Variants in PRDM11 observed in about 807,000 individuals in gnomAD.
PRDM11 encodes the protein PR domain-containing protein 11.
In PRDM11, 20 loss-of-function variants were observed where a neutral mutation model predicts 97.8. That is an observed-to-expected ratio of 0.20 (90% CI 0.14 to 0.30). The LOEUF (loss-of-function observed/expected upper bound fraction) is 0.30, where lower values mean the gene tolerates loss of function less well. Ranked by LOEUF, PRDM11 falls within the 10% of genes least tolerant of loss-of-function variation. The probability of loss-of-function intolerance (pLI) is 1.00; values close to 1 mark genes in which losing one functional copy is unlikely to be tolerated. For missense variants in PRDM11, 1,139 were observed against 1,555.2 expected (o/e 0.73, Z 4.50); for synonymous variants, 599 against 637.7 (o/e 0.94, Z 0.91).
chr11:45,110,980 G>T (rs1852166215), intron 1 of PRDM11, among the ~76,000 whole-genome samples: 1 of 151,118 alleles, frequency 6.6e-6, no homozygotes, highest in South Asian at 2.1e-4. Flanking sequence ...TTTAATAAAA[G>T]CTTTACAGTT....
intron 1 of PRDM11, among the ~76,000 whole-genome samples, chr11:45,136,989 C>CAAAAAAAAAAAAA (rs759854361): frequency 9.1e-6 from 1 of 110,066 alleles, no homozygotes; most frequent in African/African-American, 3.0e-5. Context: ...ACTAAAAATA[C>CAAAAAAAAAAAAA]AAAAAAAAAA....
intron 4 of PRDM11, among the ~76,000 whole-genome samples, chr11:45,183,394 ATG>A (rs1307159579): frequency 1.3e-5 from 2 of 152,060 alleles, no homozygotes; most frequent in African/African-American, 4.8e-5. Flanking sequence ...ATGAATCCTC[ATG>A]TGTGTGTCTG....
chr11:45,122,133 G>C (rs773901985), intron 1 of PRDM11, among the ~76,000 whole-genome samples: 1 of 150,450 alleles, frequency 6.6e-6, no homozygotes, highest in Non-Finnish European at 1.5e-5. Context: ...TAAAAGTTAG[G>C]CCTTTAAATA....
At chr11:45,116,375 A>G (rs11038304) in intron 1 of PRDM11, among the ~76,000 whole-genome samples, 66,033 of 152,092 alleles carry the variant, frequency 0.43, 17,287 homozygotes, top group Non-Finnish European at 0.58. Context: ...ATTCACCAAG[A>G]CATACCACAT....
intron 5 of PRDM11, among the ~76,000 whole-genome samples, chr11:45,216,678 C>T (rs1853965573): frequency 6.6e-6 from 1 of 152,160 alleles, no homozygotes; most frequent in South Asian, 2.1e-4. Context: ...AGTTTCAGAA[C>T]AACAAATACA....
intron 1 of PRDM11, among the ~76,000 whole-genome samples, chr11:45,132,252 A>G (rs1203604019): frequency 1.3e-5 from 2 of 152,150 alleles, no homozygotes; most frequent in Admixed American, 6.5e-5. Context: ...CACTTCTACA[A>G]AACAAGAGCT....
intron 1 of PRDM11, among the ~76,000 whole-genome samples, chr11:45,163,053 A>G (rs1851968691): frequency 6.6e-6 from 1 of 152,134 alleles, no homozygotes; most frequent in Admixed American, 6.5e-5. Flanking sequence ...GATGCTCTCA[A>G]CTGTGTCCCA....
chr11:45,219,429 C>A lies in PRDM11; in HGVS notation c.555-141C>A, dbSNP rs1854048461. The A allele has an allele frequency of 2.6e-6, 2 of 778,314 alleles. No homozygotes were observed. The highest frequency in any genetic ancestry group is 1.7e-5 in the African/African-American group (1 of 57,300). The allele number at this position is 778,314 out of a possible 1,614,324, so 48.2% of individuals were successfully genotyped here. On this transcript the variant is annotated intron_variant, in intron 5 of 7. Transcript: ENST00000683152. This position sits in a 1 kb window ranked among gnomAD's most constrained non-coding sequence, Gnocchi z 4.2. The stretch of plus-strand genomic sequence containing the variant: ...GCTGGTGCTGCTTCTCCGGACAGGG[C>A]AGCTGCTCTGCTGATGTTCACATGG...
intron 1 of PRDM11, among the ~76,000 whole-genome samples, chr11:45,158,236 G>A (rs1851847813): frequency 6.6e-6 from 1 of 152,200 alleles, no homozygotes; most frequent in African/African-American, 2.4e-5. Context: ...AACAGACCAA[G>A]GTGTGCCTGG....
rs1471288226 is a variant in PRDM11 at position 45,227,097 on chromosome 11, A to G, written c.2472A>G (p.Ala824=). Residue 824 remains alanine (A), a synonymous_variant, in exon 8 of 8, where the codon GCA becomes GCG. Transcript: ENST00000683152. The surrounding 1 kb of genome is among the most constrained non-coding windows in gnomAD (Gnocchi z 8.0). Reference sequence around the variant, plus strand: ...CAGAGTTCCTGGGCGATATCCGGGCAGTGCGGTGGATCATCGGCGAGCAGA... The same window carrying G: ...CAGAGTTCCTGGGCGATATCCGGGCGGTGCGGTGGATCATCGGCGAGCAGA... ...EETEFLGDIR[A]VRWIIGEQNV... 1.4e-5 allele frequency: 22 copies of G among 1,533,844 alleles called. No individual in the cohort carries two copies. Among genetic ancestry groups the G allele is most frequent in the Non-Finnish European group, 1.9e-5 (22 of 1,146,736 alleles).
Position 45,217,248 on chromosome 11 carries a change from G to A in PRDM11, c.555-2322G>A, listed in dbSNP as rs192327043. 1.3e-3 allele frequency among the ~76,000 whole-genome samples: 204 copies of A among 152,216 alleles called. 1 individual carries two copies. The highest frequency in any genetic ancestry group is 3.2e-3 in the Admixed American group (49 of 15,286). ...ACTCACAGTTGTAGAATTGAGATTGGGAATTATTAATTTGGAGTGACTTCT... is the reference window on the plus strand; with the variant it reads ...ACTCACAGTTGTAGAATTGAGATTGAGAATTATTAATTTGGAGTGACTTCT... On this transcript the variant is annotated intron_variant, in intron 5 of 7. Coordinates refer to ENST00000683152, the MANE Select transcript of PRDM11 (RefSeq NM_001384648.1).
intron 5 of PRDM11, chr11:45,213,160 C>T (rs745515866): frequency 1.1e-5 from 5 of 456,708 alleles, no homozygotes; most frequent in South Asian, 4.6e-5. Context: ...ACACTGGGGG[C>T]GCTGTTACCT....
At chr11:45,171,955 C>T (rs1455841303) in intron 1 of PRDM11, among the ~76,000 whole-genome samples, 1 of 152,170 alleles carries the variant, frequency 6.6e-6, no homozygotes, top group Non-Finnish European at 1.5e-5. Flanking sequence ...GGTGCAGACC[C>T]CACAAGATAA....
chr11:45,163,810 A>G lies in PRDM11; in HGVS notation c.-7+16933A>G, dbSNP rs558888493. Among the ~76,000 whole-genome samples, 14 of 152,278 alleles carry G rather than the reference A, an allele frequency of 9.2e-5. No individual in the cohort carries two copies. The South Asian group carries it at 1.2e-3, about 14-fold the overall frequency. ...CTCAGCCCCTATTTAAGAGATTGGG[A>G]TATTGAATACCTTGTCCATTGGGAC... On this transcript the variant is annotated intron_variant, in intron 1 of 7. Transcript: ENST00000683152.
At chr11:45,115,934 A>AAAAAAAAG (rs1219043301) in intron 1 of PRDM11, among the ~76,000 whole-genome samples, 2 of 151,788 alleles carry the variant, frequency 1.3e-5, no homozygotes, top group Non-Finnish European at 2.9e-5. Context: ...ATCTCAAAAA[A>AAAAAAAAG]AAAAAAAGAA....
In PRDM11 at chr11:45,227,889, C is replaced by T. The variant is rs929007213; in HGVS notation, c.3264C>T (p.Cys1088=). 9.0e-5 allele frequency: 138 copies of T among 1,533,778 alleles called. No individual in the cohort carries two copies. Among genetic ancestry groups the T allele is most frequent in the Middle Eastern group, 2.3e-4 (1 of 4,380 alleles). The change falls in exon 8 of 8, where the codon TGC becomes TGT. Residue 1088 remains cysteine (C), a synonymous_variant. Coordinates refer to ENST00000683152, the MANE Select transcript of PRDM11 (RefSeq NM_001384648.1). The surrounding 1 kb of genome is among the most constrained non-coding windows in gnomAD (Gnocchi z 8.0). ...LKVLPTSTAC[C]EKGRNALQRV... is the part of the protein sequence containing the mutation. ...TCCTCCCCACTTCCACCGCTTGCTG[C>T]GAGAAAGGCCGCAATGCCCTCCAGC... is the stretch of plus-strand genomic sequence containing the variant.
intron 1 of PRDM11, among the ~76,000 whole-genome samples, chr11:45,112,183 G>A (rs1033514366): frequency 2.6e-5 from 4 of 152,150 alleles, no homozygotes; most frequent in Non-Finnish European, 5.9e-5. Context: ...ACTTACAAGT[G>A]AGAACATACA....
At chr11:45,204,572 T>C in intron 4 of PRDM11, 139 bp from the exon 5 acceptor site, 1 of 745,094 alleles carries the variant, frequency 1.3e-6, no homozygotes, top group Non-Finnish European at 2.4e-6. Context: ...TGCATTTCAG[T>C]TCTGTAGCAG....
intron 1 of PRDM11, among the ~76,000 whole-genome samples, chr11:45,155,241 G>T (rs1851763800): frequency 6.6e-6 from 1 of 152,254 alleles, no homozygotes; most frequent in Non-Finnish European, 1.5e-5. Context: ...AGGGAAAGGG[G>T]TGAGGGCCAG....
Sources: allele counts gnomAD v4.1 joint callset (sites outside exome capture counted in the v4.1 genomes callset), GRCh38; gene constraint gnomAD v4.1.1; non-coding constraint Gnocchi (gnomAD v3.1); transcripts MANE v1.5; gene names NCBI Gene and HGNC (gene_info 2026-07-23, HGNC 2026-07-21).